Variants in MAPK6 observed in about 807,000 individuals in gnomAD.
MAPK6 encodes the protein mitogen-activated protein kinase 6.
Under a neutral mutation model 59.3 loss-of-function variants are expected in MAPK6, and 19 were observed. The ratio of observed to expected loss-of-function variants is 0.32; its 90% CI spans 0.22 to 0.47. The LOEUF is 0.47. MAPK6 is among the 20% of genes least tolerant of loss of function. The pLI is 1.00. For synonymous variants in MAPK6, 316 were observed against 290.3 expected, an observed-to-expected ratio of 1.09 and a Z score of -0.90; for missense variants, 724 against 847.9, an observed-to-expected ratio of 0.85 and a Z score of 1.81.
At chr15:52,028,384 G>C (rs1201665686) in intron 1 of MAPK6, among the ~76,000 whole-genome samples, 1 of 152,108 alleles carries the variant, frequency 6.6e-6, no homozygotes, top group Non-Finnish European at 1.5e-5. Context: ...ATCGCACCCT[G>C]CCAGCCTGTT....
chr15:52,025,214 C>G (rs568716448), intron 1 of MAPK6, among the ~76,000 whole-genome samples: 1 of 152,064 alleles, frequency 6.6e-6, no homozygotes, highest in Non-Finnish European at 1.5e-5. Context: ...GCGTTCCAGC[C>G]TGGGCAACAG....
At chr15:52,010,891 T>C (rs1166563871) in intron 3 of MAPK6, 1 of 152,212 alleles carries the variant, frequency 6.6e-6, no homozygotes, top group Non-Finnish European at 1.5e-5. Flanking sequence ...TAGTCTTGCA[T>C]TTCCAAAAAT....
intron 3 of MAPK6, among the ~76,000 whole-genome samples, chr15:52,005,811 C>T (rs138160153): frequency 6.6e-6 from 1 of 152,270 alleles, no homozygotes; most frequent in East Asian, 1.9e-4. Context: ...GGTCTGCTGA[C>T]TACCGTTGGT....
Position 52,048,565 on chromosome 15 carries a change from G to A in MAPK6, c.556-1428G>A, listed in dbSNP as rs147003663. 2.5e-3 allele frequency among the ~76,000 whole-genome samples: 379 copies of A among 152,212 alleles called. 2 individuals carry two copies. The highest frequency in any genetic ancestry group is 8.5e-3 in the African/African-American group (355 of 41,536). ...GGAGGTTGCAAAGAGCTGAGATTGC[G>A]CCAATGCACTCCAGCCTGGGCAACA... is the stretch of plus-strand genomic sequence containing the variant. On this transcript the variant is annotated intron_variant, in intron 2 of 5. Coordinates refer to ENST00000261845, the MANE Select transcript of MAPK6 (RefSeq NM_002748.4).
chr15:51,992,447 G>A (rs1198020261), intron 2 of MAPK6, among the ~76,000 whole-genome samples: 2 of 151,736 alleles, frequency 1.3e-5, no homozygotes, highest in Non-Finnish European at 2.9e-5. Context: ...AACTACAGGT[G>A]CACGCCACCA....
chr15:51,998,829 T>TA (rs1332893816), intron 2 of MAPK6, among the ~76,000 whole-genome samples: 46 of 150,046 alleles, frequency 3.1e-4, no homozygotes, highest in African/African-American at 1.1e-3. Context: ...TAGCTGGGAC[T>TA]ACAGGCACCT....
intron 3 of MAPK6, among the ~76,000 whole-genome samples, chr15:52,004,731 T>C (rs756791901): frequency 5.3e-5 from 8 of 152,144 alleles, no homozygotes; most frequent in Admixed American, 1.3e-4. Context: ...ACTTGAAGCT[T>C]CCAGCTTTAT....
chr15:52,023,497 G>T (rs891651607), intron 1 of MAPK6, among the ~76,000 whole-genome samples: 1 of 152,228 alleles, frequency 6.6e-6, no homozygotes, highest in East Asian at 1.9e-4. Flanking sequence ...TTCATGTGAA[G>T]CTGATGCTTT....
In MAPK6 at chr15:51,980,023, G is replaced by A. The variant is rs982593318; in HGVS notation, c.-879-3183G>A. On this transcript the variant is annotated intron_variant, in intron 1 of 7. Coordinates refer to the MAPK6 transcript ENST00000691380. ...AATTAGAAGTAGAAGGGCCGGGCGC[G>A]GTGGCTCACACCTGTAATCCCAGTG... Among the ~76,000 whole-genome samples, 4 of 151,672 alleles carry A rather than the reference G, an allele frequency of 2.6e-5. 1 individual carries two copies. Among genetic ancestry groups the A allele is most frequent in the East Asian group, 1.9e-4 (1 of 5,198 alleles).
In MAPK6 at chr15:51,987,558, A is replaced by T. The variant is rs978723556; in HGVS notation, c.-770+4243A>T. On this transcript the variant is annotated intron_variant, in intron 2 of 7. Coordinates refer to the MAPK6 transcript ENST00000691380. The stretch of plus-strand genomic sequence containing the variant: ...GTGGGGTCGGTGGGGAGCAGAGGTT[A>T]CAGTGAGCTGAGACTGCACCACTGC... Among the ~76,000 whole-genome samples, 58 of 151,648 alleles carry T rather than the reference A, an allele frequency of 3.8e-4. 1 individual carries two copies. Among genetic ancestry groups the T allele is most frequent in the Middle Eastern group, 3.4e-3 (1 of 294 alleles).
chr15:51,978,901 G>GT (rs1485150066), intron 1 of MAPK6, among the ~76,000 whole-genome samples: 1 of 151,144 alleles, frequency 6.6e-6, no homozygotes, highest in Admixed American at 6.6e-5. Flanking sequence ...TGGGCAGATC[G>GT]TTTGAGTCCA....
rs748664934 is a variant in MAPK6, at chr15:52,064,138, A to G, written c.1304A>G (p.Tyr435Cys). 5.0e-6 allele frequency: 8 copies of G among 1,612,642 alleles called. No individual in the cohort carries two copies. The highest frequency in any genetic ancestry group is 6.8e-6 in the Non-Finnish European group (8 of 1,179,244). The stretch of plus-strand genomic sequence containing the variant: ...TACTCAGATCATCATGAAAACAAAT[A>G]TTGTGATCTGGAGTGTAGCCATACT... Reference protein sequence around the residue: ...WQYSDHHENKYCDLECSHTCN... With the variant: ...WQYSDHHENKCCDLECSHTCN... Residue 435 changes from tyrosine to cysteine, a missense_variant, in exon 6 of 6, where the codon TAT (tyrosine) becomes TGT (cysteine). By Grantham distance (194) the Tyr-to-Cys change is radical. This residue lies in a region of MAPK6 where 502 missense variants were observed against 507.6 expected (regional missense o/e 0.99). Coordinates refer to ENST00000261845, the MANE Select transcript of MAPK6 (RefSeq NM_002748.4).
Position 52,064,894 on chromosome 15 carries a change from G to A in MAPK6, c.2060G>A (p.Gly687Glu), listed in dbSNP as rs377715204. 3.7e-6 allele frequency: 6 copies of A among 1,611,842 alleles called. No individual in the cohort carries two copies. Among genetic ancestry groups the A allele is most frequent in the East Asian group, 2.2e-5 (1 of 44,882 alleles). Residue 687 changes from glycine (G) to glutamate (E), a missense_variant, in exon 6 of 6, where the codon GGG (glycine) becomes GAG (glutamate). Gly to Glu is a moderately conservative substitution (Grantham distance 98). Around this residue, in one of 4 missense-constraint regions of MAPK6, gnomAD observed 502 missense variants for 507.6 expected, o/e 0.99. Coordinates refer to ENST00000261845, the MANE Select transcript of MAPK6 (RefSeq NM_002748.4). ...IGIPQFHSPV[G>E]SPLKSIQATL... is the part of the protein sequence containing the mutation. ...ATCCCACAGTTTCACAGTCCAGTTG[G>A]GTCACCACTTAAGTCAATACAGGCC...
chr15:52,052,201 C>T (rs949415033), intron 3 of MAPK6, among the ~76,000 whole-genome samples: 12 of 152,234 alleles, frequency 7.9e-5, no homozygotes, highest in African/African-American at 2.9e-4. Flanking sequence ...GCAGCAGTTA[C>T]CCTGAAGTCT....
chr15:52,053,478 G>C (rs761112564), intron 3 of MAPK6, among the ~76,000 whole-genome samples: 1 of 152,092 alleles, frequency 6.6e-6, no homozygotes, highest in Non-Finnish European at 1.5e-5. Context: ...TTTTATTATT[G>C]AGTTGTAAGA....
Position 52,064,362 on chromosome 15 carries a change from G to A in MAPK6, c.1528G>A (p.Ala510Thr), listed in dbSNP as rs2032327076. ...TAAAGCCCAGATAGCGCTAGAGGAA[G>A]CATCACAGCAACTGGCTGGAAAAGA... ...LVKAQIALEE[A>T]SQQLAGKERE... The change falls in exon 6 of 6, where the codon GCA becomes ACA. Residue 510 changes from alanine to threonine, a missense_variant. This residue lies in a region of MAPK6 where 502 missense variants were observed against 507.6 expected (regional missense o/e 0.99). Transcript: ENST00000261845. The A allele has an allele frequency of 6.2e-7, 1 of 1,611,622 alleles. No homozygotes were observed. Among genetic ancestry groups the A allele is most frequent in the Non-Finnish European group, 8.5e-7 (1 of 1,179,764 alleles).
At chr15:52,004,095 T>C (rs1334101461) in intron 2 of MAPK6, 1 of 152,250 alleles carries the variant, frequency 6.6e-6, no homozygotes. Context: ...TCTGTGGAGA[T>C]GTGAGTCTTT....
upstream of MAPK6, among the ~76,000 whole-genome samples, chr15:52,016,107 C>A (rs192665940): frequency 1.9e-3 from 255 of 136,248 alleles, 2 homozygotes; most frequent in African/African-American, 5.3e-3. Flanking sequence ...CACACACACA[C>A]AAACTAAAAC....
intron 2 of MAPK6, among the ~76,000 whole-genome samples, chr15:51,998,091 A>G (rs578116262): frequency 6.7e-6 from 1 of 149,606 alleles, no homozygotes; most frequent in African/African-American, 2.5e-5. Flanking sequence ...CTACGGGCAC[A>G]TGCCACCACG....
Sources: allele counts gnomAD v4.1 joint callset (sites outside exome capture counted in the v4.1 genomes callset), GRCh38; gene constraint gnomAD v4.1.1; regional missense constraint gnomAD v4.1.1; transcripts MANE v1.5; gene names NCBI Gene and HGNC (gene_info 2026-07-23, HGNC 2026-07-21).